MPRIP: variants seen among roughly 807,000 people sequenced by gnomAD.
The protein encoded by MPRIP is myosin phosphatase Rho interacting protein, also known as myosin phosphatase Rho-interacting protein.
Under a neutral mutation model 234.9 loss-of-function variants are expected in MPRIP, and 59 were observed. The observed-to-expected ratio is 0.25, with a 90% confidence interval of 0.20 to 0.31. MPRIP has a LOEUF of 0.31. MPRIP is among the 10% of genes least tolerant of loss of function. The probability of loss-of-function intolerance (pLI) is 1.00; values close to 1 mark genes in which losing one functional copy is unlikely to be tolerated. For missense variants in MPRIP, 2,436 were observed against 3,071.0 expected (o/e 0.79, Z 4.89); for synonymous variants, 1,144 against 1,263.9 (o/e 0.91, Z 2.01).
chr17:17,149,919 A>G (rs1374934291), intron 11 of MPRIP: 1 of 428,666 alleles, frequency 2.3e-6, no homozygotes, highest in African/African-American at 2.0e-5. Flanking sequence ...TTTGAGGACC[A>G]CTGGCGTGGA....
intron 11 of MPRIP, 144 bp from the exon 12 acceptor site, chr17:17,150,000 A>C (rs1399997749): frequency 3.1e-6 from 2 of 653,834 alleles, no homozygotes; most frequent in Non-Finnish European, 2.8e-6. Flanking sequence ...GTCATGCAGT[A>C]GTAGGATAGA....
chr17:17,141,726 C>T (rs12602196), intron 7 of MPRIP: 5,028 of 152,452 alleles, frequency 0.033, 142 homozygotes, highest in East Asian at 0.12. Flanking sequence ...TTCTTATCCT[C>T]TTGTCCAGAG....
intron 14 of MPRIP, among the ~76,000 whole-genome samples, chr17:17,160,552 G>T (rs760602681): frequency 5.9e-5 from 9 of 152,216 alleles, no homozygotes; most frequent in Non-Finnish European, 1.3e-4. Flanking sequence ...TAGGGAAGAG[G>T]TGGATGGATG....
At chr17:17,137,095 T>A (rs2090716728) in intron 6 of MPRIP, among the ~76,000 whole-genome samples, 1 of 152,188 alleles carries the variant, frequency 6.6e-6, no homozygotes, top group South Asian at 2.1e-4. Flanking sequence ...TGTCTGCATC[T>A]TCTACATGCA....
At chr17:17,050,908 C>G (rs2088519802) in intron 1 of MPRIP, among the ~76,000 whole-genome samples, 2 of 152,210 alleles carry the variant, frequency 1.3e-5, no homozygotes, top group Non-Finnish European at 2.9e-5. Context: ...TAATTGCACC[C>G]TAGCTTTTTT....
chr17:17,099,933 CAA>C (rs139222438), intron 3 of MPRIP, among the ~76,000 whole-genome samples: 2,087 of 152,218 alleles, frequency 0.014, 27 homozygotes, highest in South Asian at 0.034. Flanking sequence ...GCACAAAGAT[CAA>C]AAGATGTTTT....
At position 17,167,441 on chromosome 17, in the gene MPRIP, G is replaced by A; in HGVS notation, c.5850G>A (p.Glu1950=). 7.7e-7 allele frequency: 1 copy of A among 1,304,264 alleles called. No homozygotes were observed. The highest frequency in any genetic ancestry group is 1.0e-6 in the Non-Finnish European group (1 of 988,968). The allele number at this position is 1,304,264 out of a possible 1,614,324, so 80.8% of individuals were successfully genotyped here. ...TCACCCTGCGGGGCAGGTATGAGGA[G>A]GAGATTCGGTGTGTGGTGGAGCAGC... The part of the protein sequence containing the change: ...SMFTLRGRYE[E]EIRCVVEQLT... Residue 1950 remains glutamate (E), a synonymous_variant, in exon 16 of 24, where the codon GAG becomes GAA. Coordinates refer to ENST00000651222, the MANE Select transcript of MPRIP (RefSeq NM_001364716.4). This position sits in a 1 kb window ranked among gnomAD's most constrained non-coding sequence, Gnocchi z 5.9.
chr17:17,043,122 A>G (rs1014544710), intron 1 of MPRIP, 151 bp downstream of exon 1: 37 of 747,882 alleles, frequency 4.9e-5, no homozygotes, highest in Middle Eastern at 3.7e-4. Context: ...GTGCATTGAC[A>G]GAGCTGGGAC....
intron 1 of MPRIP, among the ~76,000 whole-genome samples, chr17:17,050,632 ACTC>A (rs2088509954): frequency 1.3e-5 from 2 of 151,406 alleles, no homozygotes; most frequent in Non-Finnish European, 2.9e-5. Flanking sequence ...TTGTGTCCCC[ACTC>A]CTCCTTGGCC....
At chr17:17,155,256 C>CT (rs11337175) in intron 13 of MPRIP, among the ~76,000 whole-genome samples, 204 of 144,088 alleles carry the variant, frequency 1.4e-3, no homozygotes, top group East Asian at 5.5e-3. Flanking sequence ...AAAGCGTGTT[C>CT]TTTTTTTTTT....
intron 3 of MPRIP, among the ~76,000 whole-genome samples, chr17:17,083,016 G>A (rs967132597): frequency 3.3e-5 from 5 of 152,198 alleles, no homozygotes; most frequent in African/African-American, 1.2e-4. Context: ...GGAAGCCATG[G>A]AGAGACTGAG....
At chr17:17,094,812 A>G (rs1435387192) in intron 3 of MPRIP, among the ~76,000 whole-genome samples, 3 of 151,812 alleles carry the variant, frequency 2.0e-5, no homozygotes, top group East Asian at 1.9e-4. Context: ...GGGTATCGCC[A>G]TGTTTCCCAG....
Position 17,147,269 on chromosome 17 carries a change from T to C in MPRIP, c.1561-50T>C, listed in dbSNP as rs767268564. The C allele has an allele frequency of 1.2e-5, 18 of 1,565,100 alleles. No homozygotes were observed. In the Admixed American group the frequency reaches 3.0e-4, roughly 26 times the overall value. ...GCGCACCGCCGTGGCGTGGCAGGCA[T>C]GCTGTATAGGAGTTGGTAGTCGAGT... is the stretch of plus-strand genomic sequence containing the variant. On this transcript the variant is annotated intron_variant, in intron 10 of 23. Transcript: ENST00000651222.
intron 3 of MPRIP, among the ~76,000 whole-genome samples, chr17:17,080,519 A>G (rs1325287316): frequency 2.0e-5 from 3 of 152,216 alleles, no homozygotes; most frequent in Non-Finnish European, 2.9e-5. Flanking sequence ...GAAATAGACC[A>G]GTGGTCCTCA....
chr17:17,046,927 C>T (rs2088371245), intron 1 of MPRIP, among the ~76,000 whole-genome samples: 1 of 152,208 alleles, frequency 6.6e-6, no homozygotes, highest in Non-Finnish European at 1.5e-5. Flanking sequence ...CCTGTAATCC[C>T]AGCACTTAGG....
chr17:17,083,889 C>G (rs556693136), intron 3 of MPRIP, among the ~76,000 whole-genome samples: 47 of 152,044 alleles, frequency 3.1e-4, no homozygotes, highest in Non-Finnish European at 6.0e-4. Flanking sequence ...AACTACAGGC[C>G]CGCGCCACCA....
chr17:17,089,361 T>G (rs895494080), intron 3 of MPRIP, among the ~76,000 whole-genome samples: 2 of 152,224 alleles, frequency 1.3e-5, no homozygotes, highest in African/African-American at 2.4e-5. Context: ...TCGTGGCCTC[T>G]TCCTGTCACC....
At chr17:17,155,606 A>G (rs2045711772) in intron 13 of MPRIP, among the ~76,000 whole-genome samples, 3 of 152,178 alleles carry the variant, frequency 2.0e-5, no homozygotes. Context: ...CTCTTTACAT[A>G]AGAAGGAAAG....
intron 3 of MPRIP, among the ~76,000 whole-genome samples, chr17:17,092,692 A>G (rs1243101934): frequency 6.6e-6 from 1 of 152,162 alleles, no homozygotes; most frequent in Non-Finnish European, 1.5e-5. Flanking sequence ...AGAGCAGGAA[A>G]GGGGAGTAAA....
Sources: allele counts gnomAD v4.1 joint callset (sites outside exome capture counted in the v4.1 genomes callset), GRCh38; gene constraint gnomAD v4.1.1; non-coding constraint Gnocchi (gnomAD v3.1); transcripts MANE v1.5; gene names NCBI Gene and HGNC (gene_info 2026-07-23, HGNC 2026-07-21).